The following ADGRG4 variants were observed in gnomAD, a reference collection of about 807,000 sequenced individuals.
ADGRG4 encodes adhesion G protein-coupled receptor G4, also known as G protein-coupled receptor 112.
A neutral mutation model predicts 126.2 loss-of-function variants in ADGRG4; 122 were observed. That is an observed-to-expected ratio of 0.97 (90% CI 0.83 to 1.12). The LOEUF (loss-of-function observed/expected upper bound fraction) is 1.12. ADGRG4 is among the 50% of genes most tolerant of loss of function. ADGRG4 has a pLI of 0.00. For synonymous variants in ADGRG4, 943 were observed against 838.7 expected (o/e 1.12, Z -2.15); for missense variants, 2,481 against 2,251.8 (o/e 1.10, Z -2.06).
intron 20 of ADGRG4, among the ~76,000 whole-genome samples, chrX:136,399,489 T>G (rs906849527): frequency 1.3e-4 from 14 of 110,908 alleles, no homozygotes; most frequent in African/African-American, 4.6e-4. Flanking sequence ...TAGCTCTACT[T>G]GGAATGGTTT....
At chrX:136,372,456 A>G (rs2075200989) in intron 14 of ADGRG4, among the ~76,000 whole-genome samples, 1 of 111,522 alleles carries the variant, frequency 9.0e-6, no homozygotes, top group Non-Finnish European at 1.9e-5. Context: ...TAGCACCCGG[A>G]GTAATCTTTT....
chrX:136,387,781 C>CT lies in ADGRG4; in HGVS notation c.7818_7819insT (p.Ile2607TyrfsTer5). ...TCCCTGTGGGAGGGATTTTGGCTTC[C>CT]ATATATTTGCCTAAATCACTGACGG... On this transcript the variant is annotated frameshift_variant, in exon 16 of 26. Transcript: ENST00000394143. LOFTEE classifies it high-confidence loss of function. The CT allele has an allele frequency of 8.3e-7, 1 of 1,206,720 alleles. No individual in the cohort carries two copies. Among genetic ancestry groups the CT allele is most frequent in the South Asian group, 1.8e-5 (1 of 56,606 alleles).
chrX:136,303,995 T>C (rs1436928623), intron 1 of ADGRG4, 138 bp from the exon 2 acceptor site: 1 of 111,382 alleles, frequency 9.0e-6, no homozygotes. Flanking sequence ...GGCCTTTGAG[T>C]TTCCAGGCAT....
chrX:136,333,676 C>A (rs2074928713), intron 5 of ADGRG4, among the ~76,000 whole-genome samples: 1 of 110,366 alleles, frequency 9.1e-6, no homozygotes, highest in South Asian at 3.9e-4. Context: ...TGCCACCATG[C>A]CTGGCTAATT....
At chrX:136,393,446 A>G (rs751889485) in intron 17 of ADGRG4, 89 bp from the exon 18 acceptor site, 23 of 763,474 alleles carry the variant, frequency 3.0e-5, no homozygotes, top group Non-Finnish European at 4.5e-5. Context: ...ATGGGAAAAA[A>G]TATTGGGAAG....
At chrX:136,337,507 T>C (rs916605168) in intron 5 of ADGRG4, among the ~76,000 whole-genome samples, 7 of 112,676 alleles carry the variant, frequency 6.2e-5, no homozygotes, top group Non-Finnish European at 5.6e-5. Context: ...TGACAAGGTA[T>C]CTTAATTTTC....
chrX:136,353,262 A>G (rs144414770), intron 7 of ADGRG4, 75 bp from the exon 8 acceptor site: 288 of 667,678 alleles, frequency 4.3e-4, no homozygotes, highest in Non-Finnish European at 6.5e-4. Flanking sequence ...TAATGATCAC[A>G]CCATCCCAAG....
chrX:136,329,066 A>C (rs2074892589), intron 5 of ADGRG4, among the ~76,000 whole-genome samples: 1 of 111,094 alleles, frequency 9.0e-6, no homozygotes, highest in Non-Finnish European at 1.9e-5. Context: ...TTTCCTTTTC[A>C]CCTTAAAGAT....
chrX:136,386,681 A>G (rs1297012272), intron 15 of ADGRG4, among the ~76,000 whole-genome samples: 1 of 111,957 alleles, frequency 8.9e-6, no homozygotes, highest in Middle Eastern at 4.2e-3. Context: ...GAGTTGATAG[A>G]GAGATTAAAT....
rs144205308 is a variant in ADGRG4 at position 136,371,671 on chromosome X, A to C, written c.7613+127A>C. On this transcript the variant is annotated intron_variant, in intron 14 of 25. Coordinates refer to ENST00000394143, the MANE Select transcript of ADGRG4 (RefSeq NM_153834.4). Reference sequence around the variant, plus strand: ...ATAGATTGAAAATATCCTTAAAAAAATCTTGCGTCGATACTGAACAAGTAC... The same window carrying C: ...ATAGATTGAAAATATCCTTAAAAAACTCTTGCGTCGATACTGAACAAGTAC... 15 of 428,464 alleles carry C rather than the reference A, an allele frequency of 3.5e-5. No individual in the cohort carries two copies. In the East Asian group the frequency reaches 4.4e-4, roughly 12 times the overall value. 35.3% of individuals were successfully genotyped at this position (428,464 alleles called of 1,213,427 possible).
chrX:136,338,772 T>A (rs1483609359), intron 5 of ADGRG4, among the ~76,000 whole-genome samples: 1 of 112,105 alleles, frequency 8.9e-6, no homozygotes, highest in Non-Finnish European at 1.9e-5. Context: ...ACAGGTAATT[T>A]AAAAAATTGT....
At chrX:136,318,717 C>G in intron 4 of ADGRG4, among the ~76,000 whole-genome samples, 1 of 111,063 alleles carries the variant, frequency 9.0e-6, no homozygotes, top group Non-Finnish European at 1.9e-5. Context: ...CAAAAACAAG[C>G]AAAGCCTGTG....
chrX:136,381,414 G>A (rs943204074), intron 15 of ADGRG4, among the ~76,000 whole-genome samples: 7 of 110,448 alleles, frequency 6.3e-5, no homozygotes, highest in East Asian at 2.9e-4. Flanking sequence ...ACCACACCTC[G>A]CTACTTTTTA....
chrX:136,344,494 C>G lies in ADGRG4; in HGVS notation c.788C>G (p.Thr263Ser). Residue 263 changes from threonine to serine, a missense_variant, in exon 6 of 26, where the codon ACT (threonine) becomes AGT (serine). Transcript: ENST00000394143. ...ATTACTGGAGTAAAACCACAAAATA[C>G]TGCACATTCCTCTACACTATTGTCT... Reference protein sequence around the residue: ...SQITGVKPQNTAHSSTLLSQS... With the variant: ...SQITGVKPQNSAHSSTLLSQS... 1 of 1,204,219 alleles carries G rather than the reference C, an allele frequency of 8.3e-7. No homozygotes were observed. The highest frequency in any genetic ancestry group is 1.1e-6 in the Non-Finnish European group (1 of 888,979).
chrX:136,413,652 C>T (rs191145377), intron 24 of ADGRG4, among the ~76,000 whole-genome samples: 5 of 111,712 alleles, frequency 4.5e-5, no homozygotes, highest in Non-Finnish European at 9.4e-5. Flanking sequence ...TACAAACCTA[C>T]TTCTTACAAC....
At chrX:136,360,740 T>TAACA (rs1320515113) in intron 11 of ADGRG4, among the ~76,000 whole-genome samples, 57 of 109,799 alleles carry the variant, frequency 5.2e-4, no homozygotes, top group African/African-American at 1.8e-3. Flanking sequence ...AGACCTCATA[T>TAACA]AACAAACAAA....
chrX:136,313,629 G>C (rs1029071399), intron 4 of ADGRG4, among the ~76,000 whole-genome samples: 1 of 112,105 alleles, frequency 8.9e-6, no homozygotes, highest in Non-Finnish European at 1.9e-5. Flanking sequence ...ATGTCACTTA[G>C]GAGGGTGACT....
At chrX:136,327,281 A>T (rs1026980258) in intron 5 of ADGRG4, among the ~76,000 whole-genome samples, 1 of 110,977 alleles carries the variant, frequency 9.0e-6, no homozygotes, top group African/African-American at 3.3e-5. Flanking sequence ...TACAGTTTTT[A>T]AAAAGGGATG....
At chrX:136,359,265 A>G (rs1162472611) in intron 10 of ADGRG4, 27 bp from the exon 11 acceptor site, 9 of 1,178,560 alleles carry the variant, frequency 7.6e-6, no homozygotes, top group Non-Finnish European at 1.0e-5. Flanking sequence ...AACTGCAACA[A>G]TCTTTCTTTT....
Sources: allele counts gnomAD v4.1 joint callset (sites outside exome capture counted in the v4.1 genomes callset), GRCh38; gene constraint gnomAD v4.1.1; transcripts MANE v1.5; gene names NCBI Gene and HGNC (gene_info 2026-07-23, HGNC 2026-07-21).